Variants in SCFD2 observed in about 807,000 individuals in gnomAD.
The protein encoded by SCFD2 is sec1 family domain containing 2.
SCFD2 carries 54 observed loss-of-function variants against 58.9 expected under a neutral mutation model. The observed-to-expected ratio is 0.92, with a 90% CI of 0.74 to 1.15. The LOEUF is 1.15. Ranked by LOEUF, SCFD2 falls within the 50% of genes most tolerant of loss-of-function variation. The probability of loss-of-function intolerance (pLI) is 0.00; values close to 1 mark genes in which losing one functional copy is unlikely to be tolerated. For synonymous variants in SCFD2, 321 were observed against 335.9 expected (o/e 0.96, Z 0.49); for missense variants, 805 against 836.6 (o/e 0.96, Z 0.47).
intron 2 of SCFD2, among the ~76,000 whole-genome samples, chr4:53,325,179 G>A (rs1733148398): frequency 6.7e-6 from 1 of 149,020 alleles, no homozygotes; most frequent in Admixed American, 6.7e-5. Flanking sequence ...TACTACAGAT[G>A]TGTGTGTGTG....
At chr4:53,274,255 T>C (rs1259116091) in intron 3 of SCFD2, among the ~76,000 whole-genome samples, 1 of 152,202 alleles carries the variant, frequency 6.6e-6, no homozygotes, top group Non-Finnish European at 1.5e-5. Context: ...ATGTTGCCAG[T>C]AGAATTCATT....
chr4:52,929,941 T>G (rs1279997559), intron 5 of SCFD2, among the ~76,000 whole-genome samples: 1 of 152,172 alleles, frequency 6.6e-6, no homozygotes, highest in Admixed American at 6.5e-5. Context: ...TCCAAAGTAA[T>G]TTATAGATTC....
At position 53,055,251 on chromosome 4, in the gene SCFD2, A is replaced by G. The variant is rs1162026827; in HGVS notation, c.1561+90082T>C. Among the ~76,000 whole-genome samples the G allele has an allele frequency of 2.6e-5, 4 of 152,186 alleles. No homozygotes were observed. The East Asian group carries it at 7.7e-4, about 29-fold the overall frequency. On this transcript the variant is annotated intron_variant, in intron 5 of 8. Coordinates refer to ENST00000401642, the MANE Select transcript of SCFD2 (RefSeq NM_152540.4). ...AAAGCGTAACTTGCTAGGGTCACAC[A>G]GACAGGATGTGGCTCAGCTCAGATT... is the stretch of plus-strand genomic sequence containing the variant.
chr4:53,163,231 C>CA (rs1313824203), intron 4 of SCFD2, among the ~76,000 whole-genome samples: 1 of 152,142 alleles, frequency 6.6e-6, no homozygotes, highest in African/African-American at 2.4e-5. Context: ...GGACAAACTC[C>CA]AAAAAAGGCT....
chr4:53,017,831 C>A (rs1339936608), intron 5 of SCFD2, among the ~76,000 whole-genome samples: 1 of 152,142 alleles, frequency 6.6e-6, no homozygotes, highest in Non-Finnish European at 1.5e-5. Flanking sequence ...AGCAAGCCAC[C>A]ACTTCAGGGC....
At chr4:53,336,108 C>T (rs1383120594) in intron 2 of SCFD2, among the ~76,000 whole-genome samples, 1 of 152,108 alleles carries the variant, frequency 6.6e-6, no homozygotes, top group East Asian at 1.9e-4. Context: ...CATTGTACTC[C>T]TCATAGAAAT....
chr4:52,979,327 A>G (rs953023574), intron 5 of SCFD2, among the ~76,000 whole-genome samples: 2 of 152,072 alleles, frequency 1.3e-5, no homozygotes, highest in African/African-American at 2.4e-5. Context: ...TGTCTTTACA[A>G]AAAGATCCAT....
Position 53,365,807 on chromosome 4 carries a change from G to C in SCFD2, c.135C>G (p.Leu45=), listed in dbSNP as rs758510670. The C allele has an allele frequency of 2.5e-6, 4 of 1,614,012 alleles. No homozygotes were observed. Among genetic ancestry groups the C allele is most frequent in the South Asian group, 2.2e-5 (2 of 91,054 alleles). ...AGTCAGGACCCCCCACCGCCTCCAG[G>C]AGACGGGTGGATCCGCAGCCCCAGT... The part of the protein sequence containing the change: ...SLHWGCGSTR[L]LEAVGGPDCH... Residue 45 remains leucine (L), a synonymous_variant, in exon 1 of 9, where the codon CTC becomes CTG. Transcript: ENST00000401642. This position sits in a 1 kb window ranked among gnomAD's most constrained non-coding sequence, Gnocchi z 4.3.
chr4:53,347,572 G>C (rs532781151), intron 2 of SCFD2, among the ~76,000 whole-genome samples: 3 of 152,244 alleles, frequency 2.0e-5, no homozygotes, highest in African/African-American at 7.2e-5. Context: ...AGATGGACAG[G>C]AAAGGCCCCA....
At chr4:53,271,302 A>AACAC (rs765127056) in intron 4 of SCFD2, among the ~76,000 whole-genome samples, 10 of 149,924 alleles carry the variant, frequency 6.7e-5, no homozygotes, top group Non-Finnish European at 1.5e-4. Flanking sequence ...ACACACATAC[A>AACAC]ACACACACAC....
At chr4:52,941,374 G>A (rs1230175685) in intron 5 of SCFD2, among the ~76,000 whole-genome samples, 1 of 152,146 alleles carries the variant, frequency 6.6e-6, no homozygotes, top group Admixed American at 6.5e-5. Flanking sequence ...TGGCAGAGAG[G>A]GTGATAGCTT....
In SCFD2 at chr4:53,352,899, G is replaced by T. The variant is rs1018432234; in HGVS notation, c.839-133C>A. On this transcript the variant is annotated intron_variant, in intron 1 of 8. Coordinates refer to ENST00000401642, the MANE Select transcript of SCFD2 (RefSeq NM_152540.4). ...TTCTGTTCAACAAAACTCACATTTTGCCCTTCATACAGCTAATCACATTCA... is the reference window on the plus strand; with the variant it reads ...TTCTGTTCAACAAAACTCACATTTTTCCCTTCATACAGCTAATCACATTCA... 5.6e-5 allele frequency: 42 copies of T among 756,078 alleles called. No homozygotes were observed. The African/African-American group carries it at 6.1e-4, about 11-fold the overall frequency. 46.8% of individuals were successfully genotyped at this position (756,078 alleles called of 1,614,324 possible). A position where few individuals can be genotyped will look rare whatever the true frequency, so the allele number is the denominator to read the frequency against.
At chr4:53,214,777 T>G (rs1222892811) in intron 4 of SCFD2, among the ~76,000 whole-genome samples, 1 of 152,190 alleles carries the variant, frequency 6.6e-6, no homozygotes, top group Admixed American at 6.5e-5. Context: ...AGGGTTTTTA[T>G]GGTTTTAGGT....
chr4:52,950,279 C>T (rs768269707), intron 5 of SCFD2: 1 of 152,228 alleles, frequency 6.6e-6, no homozygotes, highest in East Asian at 1.9e-4. Context: ...AGTTAGACTT[C>T]TTGTCCCCAA....
intron 2 of SCFD2, among the ~76,000 whole-genome samples, chr4:53,350,140 T>C (rs543441333): frequency 6.6e-5 from 10 of 152,220 alleles, no homozygotes; most frequent in Non-Finnish European, 1.3e-4. Flanking sequence ...GCATCTACTA[T>C]TTTTGCATGT....
At chr4:53,206,051 C>T (rs1728396572) in intron 4 of SCFD2, among the ~76,000 whole-genome samples, 1 of 152,120 alleles carries the variant, frequency 6.6e-6, no homozygotes, top group Non-Finnish European at 1.5e-5. Flanking sequence ...CAAAGTGCAG[C>T]AAAAATTTTA....
chr4:53,263,168 T>A (rs12500564), intron 4 of SCFD2, among the ~76,000 whole-genome samples: 17,270 of 152,078 alleles, frequency 0.11, 1,105 homozygotes, highest in East Asian at 0.21. Flanking sequence ...TATATCATAT[T>A]TTTGATTTCT....
chr4:53,362,119 A>G (rs902232460), intron 1 of SCFD2, among the ~76,000 whole-genome samples: 1 of 152,146 alleles, frequency 6.6e-6, no homozygotes, highest in African/African-American at 2.4e-5. Flanking sequence ...AAAGCCAGGT[A>G]AGGGTAAGAG....
At position 53,145,412 on chromosome 4, in the gene SCFD2, T is replaced by C. The variant is rs1303888528; in HGVS notation, c.1482A>G (p.Ala494=). The change falls in exon 5 of 9, where the codon GCA becomes GCG. Residue 494 remains alanine (A), a synonymous_variant. Transcript: ENST00000401642. The part of the protein sequence containing the change: ...ELTVDKDLCE[A]EEKVKKALAQ... ...CCAATGCTTTCTTGACTTTTTCTTCTGCTTCACACAGGTCTTTGTCTACCG... is the reference window on the plus strand; with the variant it reads ...CCAATGCTTTCTTGACTTTTTCTTCCGCTTCACACAGGTCTTTGTCTACCG... 3 of 1,614,076 alleles carry C rather than the reference T, an allele frequency of 1.9e-6. No individual in the cohort carries two copies. The highest frequency in any genetic ancestry group is 2.5e-6 in the Non-Finnish European group (3 of 1,180,016).
Sources: allele counts gnomAD v4.1 joint callset (sites outside exome capture counted in the v4.1 genomes callset), GRCh38; gene constraint gnomAD v4.1.1; non-coding constraint Gnocchi (gnomAD v3.1); transcripts MANE v1.5; gene names NCBI Gene and HGNC (gene_info 2026-07-23, HGNC 2026-07-21).